Variants in FAM133A observed in about 807,000 individuals in gnomAD.
FAM133A encodes the protein protein FAM133A.
For missense variants in FAM133A, 159 were observed against 164.4 expected, an observed-to-expected ratio of 0.97 and a Z score of 0.18; for synonymous variants, 65 against 58.6, an observed-to-expected ratio of 1.11 and a Z score of -0.50.
chrX:93,694,923 TATA>T (rs1225523083), intron 2 of FAM133A, among the ~76,000 whole-genome samples: 7 of 112,122 alleles, frequency 6.2e-5, no homozygotes, highest in African/African-American at 2.3e-4. Context: ...TTCCTGTGTT[TATA>T]ATATTTCCCA....
At chrX:93,697,201 A>C (rs1159275246) in intron 2 of FAM133A, among the ~76,000 whole-genome samples, 3 of 105,119 alleles carry the variant, frequency 2.9e-5, no homozygotes, top group African/African-American at 1.0e-4. Flanking sequence ...AATATATCAT[A>C]GGCAGGTTAA....
intron 3 of FAM133A, among the ~76,000 whole-genome samples, chrX:93,701,151 C>G (rs1926673023): frequency 9.0e-6 from 1 of 111,419 alleles, no homozygotes; most frequent in Admixed American, 9.6e-5. Context: ...TTATGGTCCT[C>G]TACTATAAAA....
chrX:93,694,414 A>C (rs960679989), intron 2 of FAM133A, among the ~76,000 whole-genome samples: 6 of 110,986 alleles, frequency 5.4e-5, no homozygotes, highest in Non-Finnish European at 1.1e-4. Context: ...CAGAAATTCA[A>C]GGTGAAATTA....
chrX:93,676,559 C>T (rs1490030926), intron 2 of FAM133A, among the ~76,000 whole-genome samples: 1 of 108,933 alleles, frequency 9.2e-6, no homozygotes, highest in African/African-American at 3.3e-5. Context: ...GGAAATAACG[C>T]ATGATATTGG....
chrX:93,683,908 T>C (rs564103931), intron 2 of FAM133A, among the ~76,000 whole-genome samples: 1 of 111,943 alleles, frequency 8.9e-6, no homozygotes. Context: ...ATTAATTCCC[T>C]GTTGTATGAA....
intron 2 of FAM133A, among the ~76,000 whole-genome samples, chrX:93,695,078 T>C (rs1926137130): frequency 9.0e-6 from 1 of 111,462 alleles, no homozygotes; most frequent in African/African-American, 3.3e-5. Flanking sequence ...AATATGTCTA[T>C]ATAGAAGGGC....
chrX:93,712,158 G>A lies in FAM133A; in HGVS notation c.*1992G>A, dbSNP rs998193337. 1 of 123,269 alleles carries A rather than the reference G, an allele frequency of 8.1e-6. No individual in the cohort carries two copies. Among genetic ancestry groups the A allele is most frequent in the Admixed American group, 9.5e-5 (1 of 10,521 alleles). The allele number at this position is 123,269 out of a possible 1,213,427, so 10.2% of individuals were successfully genotyped here. A position where few individuals can be genotyped will look rare whatever the true frequency, so the allele number is the denominator to read the frequency against. Reference sequence around the variant, plus strand: ...GTTCCAAATGGCATACTTACAAGACGGATGCAACCTGGGTCCTTAGGTCGC... The same window carrying A: ...GTTCCAAATGGCATACTTACAAGACAGATGCAACCTGGGTCCTTAGGTCGC... On this transcript the variant is annotated 3_prime_UTR_variant, in exon 4 of 4. Transcript: ENST00000683942.
chrX:93,702,914 A>C (rs1304067413), intron 3 of FAM133A, among the ~76,000 whole-genome samples: 7 of 106,490 alleles, frequency 6.6e-5, no homozygotes, highest in African/African-American at 2.1e-4. Context: ...TAGGCTAGGC[A>C]CTGTGGCTCA....
At chrX:93,677,510 G>A (rs1227030879) in intron 2 of FAM133A, among the ~76,000 whole-genome samples, 2 of 111,533 alleles carry the variant, frequency 1.8e-5, no homozygotes, top group Non-Finnish European at 3.8e-5. Context: ...ATAAATGTGT[G>A]TATCTGTGAA....
In FAM133A at chrX:93,711,361, T is replaced by C. The variant is rs1187888755; in HGVS notation, c.*1195T>C. ...ATATTGAATTTATATAGAAGTTAAA[T>C]GTAGATGATAATGACATCATTGATC... On this transcript the variant is annotated 3_prime_UTR_variant, in exon 4 of 4. Transcript: ENST00000683942. The C allele has an allele frequency of 8.1e-6, 1 of 122,761 alleles. No individual in the cohort carries two copies. Among genetic ancestry groups the C allele is most frequent in the Non-Finnish European group, 1.9e-5 (1 of 53,153 alleles). 10.1% of individuals were successfully genotyped at this position (122,761 alleles called of 1,213,427 possible).
intron 2 of FAM133A, among the ~76,000 whole-genome samples, chrX:93,688,719 T>G (rs1430648833): frequency 1.8e-5 from 2 of 111,519 alleles, no homozygotes; most frequent in Non-Finnish European, 3.8e-5. Flanking sequence ...CTACTGTATA[T>G]GTAGCACTAT....
intron 2 of FAM133A, among the ~76,000 whole-genome samples, chrX:93,684,867 C>T (rs1925410161): frequency 8.9e-6 from 1 of 111,918 alleles, no homozygotes; most frequent in Non-Finnish European, 1.9e-5. Flanking sequence ...AATAGTGTTT[C>T]AATTACTACT....
At position 93,697,715 on chromosome X, in the gene FAM133A, T is replaced by A. The variant is rs779262712; in HGVS notation, c.-192-682T>A. Reference sequence around the variant, plus strand: ...ATACATAGTTAGGAAAAGGAGAACCTTGGAGACTCCCTGAAAGGATCTTGA... The same window carrying A: ...ATACATAGTTAGGAAAAGGAGAACCATGGAGACTCCCTGAAAGGATCTTGA... On this transcript the variant is annotated intron_variant, in intron 2 of 3. Coordinates refer to ENST00000683942, the MANE Select transcript of FAM133A (RefSeq NM_001171109.2). 2.7e-5 allele frequency among the ~76,000 whole-genome samples: 3 copies of A among 111,612 alleles called. No individual in the cohort carries two copies. The East Asian group carries it at 8.5e-4, about 32-fold the overall frequency.
intron 2 of FAM133A, among the ~76,000 whole-genome samples, chrX:93,683,382 A>G (rs1377663609): frequency 2.7e-5 from 3 of 111,976 alleles, no homozygotes; most frequent in Non-Finnish European, 3.8e-5. Flanking sequence ...GGCTACCCTA[A>G]TAACCCAGTT....
intron 3 of FAM133A, among the ~76,000 whole-genome samples, chrX:93,704,888 A>T (rs1490621387): frequency 9.0e-6 from 1 of 110,964 alleles, no homozygotes; most frequent in East Asian, 2.9e-4. Flanking sequence ...GGGCATTCAA[A>T]CAATTTTGGC....
chrX:93,680,853 T>C (rs946028206), intron 2 of FAM133A, among the ~76,000 whole-genome samples: 17 of 112,100 alleles, frequency 1.5e-4, no homozygotes, highest in African/African-American at 5.5e-4. Flanking sequence ...CCTTATCATA[T>C]GTTTGGTTTG....
Position 93,709,653 on chromosome X carries a change from G to T in FAM133A, c.234G>T (p.Glu78Asp), listed in dbSNP as rs1927276754. 8.4e-7 allele frequency: 1 copy of T among 1,189,648 alleles called. No individual in the cohort carries two copies. Among genetic ancestry groups the T allele is most frequent in the African/African-American group, 1.8e-5 (1 of 56,136 alleles). The change falls in exon 4 of 4, where the codon GAG (glutamate) becomes GAT (aspartate). Residue 78 changes from glutamate to aspartate, a missense_variant. Transcript: ENST00000683942. Reference sequence around the variant, plus strand: ...AGAAAGAACTTGAAAAAAGCAGAGAGAAATTATTAAGTGGAAATGAGAGCT... The same window carrying T: ...AGAAAGAACTTGAAAAAAGCAGAGATAAATTATTAAGTGGAAATGAGAGCT... ...NWKKELEKSR[E>D]KLLSGNESSS...
chrX:93,677,003 TAATC>T (rs1274729845), intron 2 of FAM133A, among the ~76,000 whole-genome samples: 9 of 110,256 alleles, frequency 8.2e-5, no homozygotes, highest in Non-Finnish European at 1.1e-4. Flanking sequence ...TTTTTCTTCA[TAATC>T]AATTTAATTG....
At chrX:93,678,434 T>C (rs1340081122) in intron 2 of FAM133A, among the ~76,000 whole-genome samples, 1 of 111,643 alleles carries the variant, frequency 9.0e-6, no homozygotes, top group Non-Finnish European at 1.9e-5. Context: ...ATGAATACAA[T>C]GTGTAATGGT....
Sources: gnomAD v4.1 joint callset for allele counts (sites outside exome capture counted in the v4.1 genomes callset) on GRCh38, gnomAD v4.1.1 for gene constraint, MANE v1.5 for transcripts, NCBI Gene and HGNC (gene_info 2026-07-23, HGNC 2026-07-21) for gene names.